GRAMD1B: variants seen among roughly 807,000 people sequenced by gnomAD.
GRAMD1B encodes the protein GRAM domain containing 1B.
GRAMD1B carries 37 observed loss-of-function variants against 99.7 expected under a neutral mutation model. The ratio of observed to expected loss-of-function variants is 0.37; its 90% CI spans 0.29 to 0.49. The LOEUF is 0.49. Ranked by LOEUF, GRAMD1B falls within the 20% of genes least tolerant of loss-of-function variation. The pLI is 0.98. For synonymous variants in GRAMD1B, 427 were observed against 387.6 expected (o/e 1.10, Z -1.19); for missense variants, 888 against 1,009.2 (o/e 0.88, Z 1.63).
At chr11:123,400,596 T>A (rs1175109677) in intron 1 of GRAMD1B, among the ~76,000 whole-genome samples, 4 of 152,178 alleles carry the variant, frequency 2.6e-5, no homozygotes, top group Non-Finnish European at 5.9e-5. Context: ...CTCACCATCT[T>A]CTTGCTGTGT....
intron 2 of GRAMD1B, among the ~76,000 whole-genome samples, chr11:123,489,154 T>C (rs1042869015): frequency 6.6e-6 from 1 of 151,866 alleles, no homozygotes; most frequent in Admixed American, 6.6e-5. Flanking sequence ...AAAAAAAAAA[T>C]TGAAATCATG....
At chr11:123,509,763 G>A (rs1221981273) in intron 2 of GRAMD1B, among the ~76,000 whole-genome samples, 1 of 152,230 alleles carries the variant, frequency 6.6e-6, no homozygotes, top group African/African-American at 2.4e-5. Context: ...GAGTAAAGTG[G>A]GCCAGAGAGG....
intron 1 of GRAMD1B, among the ~76,000 whole-genome samples, chr11:123,419,184 T>C (rs562897016): frequency 3.3e-5 from 5 of 152,298 alleles, no homozygotes; most frequent in African/African-American, 1.2e-4. Flanking sequence ...TTGCTACATA[T>C]AGAACTTGGG....
chr11:123,415,775 T>C lies in GRAMD1B; in HGVS notation c.-176+56976T>C, dbSNP rs141104220. ...GGACTAACTTTGTCATTATGCCTCA[T>C]AGGCAAAATGGTGACTTTGAAACTT... On this transcript the variant is annotated intron_variant, in intron 1 of 20. Coordinates refer to the GRAMD1B transcript ENST00000638157. Among the ~76,000 whole-genome samples, 50 of 152,336 alleles carry C rather than the reference T, an allele frequency of 3.3e-4. No homozygotes were observed. In the East Asian group the frequency reaches 3.7e-3, roughly 11 times the overall value.
chr11:123,611,784 C>T (rs1176214587), intron 14 of GRAMD1B, among the ~76,000 whole-genome samples: 3 of 152,114 alleles, frequency 2.0e-5, no homozygotes, highest in Non-Finnish European at 4.4e-5. Context: ...AGGCATTCTC[C>T]CATCTGGACA....
chr11:123,600,891 G>C (rs1051606245), intron 8 of GRAMD1B, among the ~76,000 whole-genome samples: 1 of 152,144 alleles, frequency 6.6e-6, no homozygotes, highest in African/African-American at 2.4e-5. Context: ...GAAGCACCAG[G>C]GTCAGTCAGG....
chr11:123,509,395 T>C (rs74951774), intron 2 of GRAMD1B, among the ~76,000 whole-genome samples: 4,637 of 152,310 alleles, frequency 0.03, 233 homozygotes, highest in African/African-American at 0.11. Context: ...AGGGAGGTAC[T>C]TGGAGATGCC....
chr11:123,580,294 G>A (rs183671968), intron 3 of GRAMD1B, among the ~76,000 whole-genome samples: 76 of 152,254 alleles, frequency 5.0e-4, no homozygotes, highest in African/African-American at 1.3e-3. Context: ...TAGATGGTGC[G>A]GCAAAAAGAG....
chr11:123,417,675 G>A (rs562629815), intron 1 of GRAMD1B, among the ~76,000 whole-genome samples: 13 of 152,240 alleles, frequency 8.5e-5, no homozygotes, highest in Non-Finnish European at 1.3e-4. Flanking sequence ...AATGGCCCAT[G>A]CCTGTAATCC....
intron 1 of GRAMD1B, among the ~76,000 whole-genome samples, chr11:123,421,416 A>G (rs1026303680): frequency 2.0e-5 from 3 of 152,368 alleles, no homozygotes; most frequent in African/African-American, 7.2e-5. Flanking sequence ...CCAAAATAAT[A>G]CTAGAAGTCA....
intron 1 of GRAMD1B, chr11:123,459,192 TAA>T (rs1950298096): frequency 6.6e-6 from 1 of 150,770 alleles, no homozygotes; most frequent in African/African-American, 2.4e-5. Flanking sequence ...TGCAAAGAAA[TAA>T]GACACTTCTA....
intron 19 of GRAMD1B, among the ~76,000 whole-genome samples, chr11:123,621,459 G>T (rs1392597744): frequency 6.6e-6 from 1 of 152,202 alleles, no homozygotes; most frequent in Non-Finnish European, 1.5e-5. Flanking sequence ...GGGTGCACAA[G>T]GGAAGGATTA....
chr11:123,423,454 C>A (rs1948530861), intron 1 of GRAMD1B, among the ~76,000 whole-genome samples: 1 of 152,124 alleles, frequency 6.6e-6, no homozygotes, highest in Non-Finnish European at 1.5e-5. Flanking sequence ...AGTAGATGCT[C>A]AAAAACTATT....
At chr11:123,507,794 A>G (rs78037113) in intron 2 of GRAMD1B, among the ~76,000 whole-genome samples, 2,077 of 152,322 alleles carry the variant, frequency 0.014, 53 homozygotes, top group African/African-American at 0.047. Flanking sequence ...CTCAAAGGGA[A>G]GTGTCCAATT....
At chr11:123,442,403 A>G (rs1487804804) in intron 1 of GRAMD1B, among the ~76,000 whole-genome samples, 1 of 152,174 alleles carries the variant, frequency 6.6e-6, no homozygotes, top group Non-Finnish European at 1.5e-5. Context: ...ACCCAAAGAG[A>G]GTGTTCTTGG....
In GRAMD1B at chr11:123,403,496, G is replaced by A. The variant is rs184873273; in HGVS notation, c.-176+44697G>A. Among the ~76,000 whole-genome samples the A allele has an allele frequency of 1.4e-3, 210 of 147,278 alleles. 1 individual carries two copies. The highest frequency in any genetic ancestry group is 4.1e-3 in the Admixed American group (60 of 14,578). On this transcript the variant is annotated intron_variant, in intron 1 of 20. Coordinates refer to the GRAMD1B transcript ENST00000638157. The stretch of plus-strand genomic sequence containing the variant: ...TAATAATAATAATAATAATAATTTC[G>A]TCTCTTGTTGTTAGGCTTTTTTTGT...
intron 1 of GRAMD1B, among the ~76,000 whole-genome samples, chr11:123,462,215 C>T (rs1422059173): frequency 6.6e-6 from 1 of 152,046 alleles, no homozygotes; most frequent in African/African-American, 2.4e-5. Flanking sequence ...GATCTGCCCG[C>T]CTTGGCCTCC....
intron 1 of GRAMD1B, among the ~76,000 whole-genome samples, chr11:123,389,381 G>C (rs7933341): frequency 0.74 from 110,845 of 149,118 alleles, 42,628 homozygotes; most frequent in East Asian, 0.99. Flanking sequence ...CAGAGTCCAT[G>C]TCAAAAAAAA....
intron 1 of GRAMD1B, among the ~76,000 whole-genome samples, chr11:123,402,617 G>T (rs1231136698): frequency 3.3e-5 from 5 of 152,162 alleles, no homozygotes; most frequent in African/African-American, 1.2e-4. Context: ...GAGGATTCAA[G>T]GCCAGGTCTA....
Sources: allele counts gnomAD v4.1 joint callset (sites outside exome capture counted in the v4.1 genomes callset), GRCh38; gene constraint gnomAD v4.1.1; transcripts MANE v1.5; gene names NCBI Gene and HGNC (gene_info 2026-07-23, HGNC 2026-07-21).